The following EXD3 variants were observed in gnomAD, a reference collection of about 807,000 sequenced individuals.
EXD3 encodes exonuclease 3'-5' domain containing 3, also known as exonuclease mut-7 homolog.
Under a neutral mutation model 98.0 loss-of-function variants are expected in EXD3, and 92 were observed. The observed-to-expected ratio is 0.94, with a 90% confidence interval of 0.79 to 1.12. EXD3 has a LOEUF of 1.12. Ranked by LOEUF, EXD3 falls within the 50% of genes most tolerant of loss-of-function variation. The pLI is 0.00. For synonymous variants in EXD3, 569 were observed against 526.0 expected (o/e 1.08, Z -1.12); for missense variants, 1,222 against 1,191.6 (o/e 1.03, Z -0.38).
At chr9:137,413,503 CTTTT>C (rs768508083) in intron 1 of EXD3, among the ~76,000 whole-genome samples, 6 of 128,768 alleles carry the variant, frequency 4.7e-5, no homozygotes, top group Admixed American at 2.4e-4. Context: ...CCTGGCCTAG[CTTTT>C]TTTTTTTTTT....
chr9:137,367,766 T>C (rs11533157), intron 6 of EXD3, 170 bp downstream of exon 6: 544,419 of 610,184 alleles, frequency 0.89, 243,168 homozygotes, highest in South Asian at 0.94. Flanking sequence ...GGTCAGCCCA[T>C]GAGGAGGATG....
chr9:137,421,323 C>T (rs1564228755), intron 1 of EXD3, among the ~76,000 whole-genome samples: 1 of 152,204 alleles, frequency 6.6e-6, no homozygotes, highest in Non-Finnish European at 1.5e-5. Context: ...CACTGTTGTA[C>T]TTTAGGCAAA....
chr9:137,323,962 C>T lies in EXD3; in HGVS notation c.2053-106G>A, dbSNP rs1286263547. The T allele has an allele frequency of 6.9e-5, 105 of 1,527,860 alleles. No homozygotes were observed. The East Asian group carries it at 2.4e-3, about 35-fold the overall frequency. The allele number at this position is 1,527,860 out of a possible 1,614,324, so 94.6% of individuals were successfully genotyped here. A position where few individuals can be genotyped will look rare whatever the true frequency, so the allele number is the denominator to read the frequency against. On this transcript the variant is annotated intron_variant, in intron 18 of 21. Transcript: ENST00000340951. ...GGGCAGGAGCCTTCTCTCGGCCCAC[C>T]AGGGGTACGGCAGAGGCGCTGGGGG...
rs536220593 is a variant in EXD3 at position 137,392,976 on chromosome 9, C to G, written c.55+2327G>C. On this transcript the variant is annotated intron_variant, in intron 2 of 21. Transcript: ENST00000340951. ...GTTCCAGGGGGTGCTGAGGCTGTTCCAGGGGGCACCGAGGCTGTTCTCGGT... is the reference window on the plus strand; with the variant it reads ...GTTCCAGGGGGTGCTGAGGCTGTTCGAGGGGGCACCGAGGCTGTTCTCGGT... 28 of 592,272 alleles carry G rather than the reference C, an allele frequency of 4.7e-5. No individual in the cohort carries two copies. In the East Asian group the frequency reaches 7.6e-4, roughly 16 times the overall value. The allele number at this position is 592,272 out of a possible 1,614,324, so 36.7% of individuals were successfully genotyped here.
At chr9:137,368,881 G>A (rs1453560742) in intron 5 of EXD3, among the ~76,000 whole-genome samples, 3 of 149,580 alleles carry the variant, frequency 2.0e-5, no homozygotes, top group Non-Finnish European at 4.5e-5. Flanking sequence ...GGGGAGGGGC[G>A]AAGGTCCGGG....
At chr9:137,353,384 C>G in intron 10 of EXD3, 1 of 985,322 alleles carries the variant, frequency 1.0e-6, no homozygotes, top group African/African-American at 1.7e-5. Context: ...CCTGCCCAGC[C>G]TGCCCCATCT....
chr9:137,340,336 G>A (rs1017748646), intron 17 of EXD3, among the ~76,000 whole-genome samples: 8 of 152,074 alleles, frequency 5.3e-5, no homozygotes, highest in Non-Finnish European at 1.2e-4. Flanking sequence ...AATTAGCTGG[G>A]TGTGGCGGTG....
At chr9:137,327,078 G>A (rs1832447068) in intron 17 of EXD3, among the ~76,000 whole-genome samples, 2 of 151,926 alleles carry the variant, frequency 1.3e-5, no homozygotes, top group Non-Finnish European at 2.9e-5. Context: ...GCAGAAAGTG[G>A]AACAGTGGCC....
rs530646650 is a variant in EXD3, at chr9:137,407,782, G to T, written c.-47-12378C>A. On this transcript the variant is annotated intron_variant, in intron 1 of 21. Coordinates refer to ENST00000340951, the MANE Select transcript of EXD3 (RefSeq NM_017820.5). The surrounding 1 kb of genome is among the most constrained non-coding windows in gnomAD (Gnocchi z 4.4). Reference sequence around the variant, plus strand: ...CGTCACTGGAGCCCACGGGTCCACAGGCATTCGAGGTCTTGGATGCGCCGG... The same window carrying T: ...CGTCACTGGAGCCCACGGGTCCACATGCATTCGAGGTCTTGGATGCGCCGG... Among the ~76,000 whole-genome samples the T allele has an allele frequency of 6.6e-6, 1 of 152,340 alleles. No individual in the cohort carries two copies. Among genetic ancestry groups the T allele is most frequent in the African/African-American group, 2.4e-5 (1 of 41,586 alleles).
intron 17 of EXD3, among the ~76,000 whole-genome samples, chr9:137,333,867 T>C (rs930803623): frequency 3.9e-5 from 6 of 151,968 alleles, no homozygotes; most frequent in African/African-American, 7.3e-5. Flanking sequence ...AGACAGAGTC[T>C]CACTCTGTCA....
In EXD3 at chr9:137,371,047, C is replaced by G. The variant is rs532414399; in HGVS notation, c.462+1858G>C. Among the ~76,000 whole-genome samples the G allele has an allele frequency of 1.8e-3, 272 of 152,304 alleles. No individual in the cohort carries two copies. Among genetic ancestry groups the G allele is most frequent in the African/African-American group, 6.2e-3 (258 of 41,576 alleles). Reference sequence around the variant, plus strand: ...GCATGCATCGCCTGCCGGGCGGCCCCGCTCGGGGACAATGGCTTTCTTCGC... The same window carrying G: ...GCATGCATCGCCTGCCGGGCGGCCCGGCTCGGGGACAATGGCTTTCTTCGC... On this transcript the variant is annotated intron_variant, in intron 5 of 21. Transcript: ENST00000340951. The surrounding 1 kb of genome is among the most constrained non-coding windows in gnomAD (Gnocchi z 8.0).
chr9:137,345,632 A>C (rs1238442631), intron 17 of EXD3: 2 of 150,678 alleles, frequency 1.3e-5, no homozygotes, highest in East Asian at 1.9e-4. Flanking sequence ...ACTGCACTCC[A>C]GCCTGGGCAA....
At chr9:137,310,304 C>T (rs1319402364) in intron 19 of EXD3, among the ~76,000 whole-genome samples, 3 of 152,180 alleles carry the variant, frequency 2.0e-5, no homozygotes, top group Admixed American at 1.3e-4. Context: ...AATGTAGTGG[C>T]GCAATCACAG....
At chr9:137,416,584 A>G (rs1838240581) in intron 1 of EXD3, among the ~76,000 whole-genome samples, 1 of 151,468 alleles carries the variant, frequency 6.6e-6, no homozygotes, top group South Asian at 2.1e-4. Flanking sequence ...CTGCTTCCCA[A>G]AGGTCCTCTC....
chr9:137,408,219 G>T (rs575367405), intron 1 of EXD3, among the ~76,000 whole-genome samples: 1 of 152,082 alleles, frequency 6.6e-6, no homozygotes. Flanking sequence ...GGCCCTGCAC[G>T]TGCCCCAAAG....
intron 3 of EXD3, among the ~76,000 whole-genome samples, chr9:137,381,544 C>T (rs1836271860): frequency 1.3e-5 from 2 of 152,258 alleles, no homozygotes; most frequent in South Asian, 2.1e-4. Flanking sequence ...GCCCTCACCC[C>T]GCCCCAGCCC....
At chr9:137,362,852 C>G (rs1407035816) in intron 7 of EXD3, among the ~76,000 whole-genome samples, 3 of 152,048 alleles carry the variant, frequency 2.0e-5, no homozygotes, top group Non-Finnish European at 4.4e-5. Flanking sequence ...CTCTTGTAGC[C>G]CAGGCTGCAG....
chr9:137,324,013 A>AGGTG lies in EXD3; in HGVS notation c.2052+73_2052+76dup. 6.5e-7 allele frequency: 1 copy of AGGTG among 1,537,656 alleles called. No homozygotes were observed. The highest frequency in any genetic ancestry group is 1.7e-4 in the Middle Eastern group (1 of 5,944). On this transcript the variant is annotated intron_variant, in intron 18 of 21. Coordinates refer to ENST00000340951, the MANE Select transcript of EXD3 (RefSeq NM_017820.5). The surrounding 1 kb of genome is among the most constrained non-coding windows in gnomAD (Gnocchi z 4.1). ...TCGGCCCCACGGCAAGCTGACCCTGAGGTGGGGGTGGCCGAGGGGCTGGGG... is the reference window on the plus strand; with the variant it reads ...TCGGCCCCACGGCAAGCTGACCCTGAGGTGGGTGGGGGTGGCCGAGGGGCTGGGG...
chr9:137,349,358 G>A lies in EXD3; in HGVS notation c.1657+11C>T, dbSNP rs765451034. 25 of 1,574,032 alleles carry A rather than the reference G, an allele frequency of 1.6e-5. No homozygotes were observed. The Middle Eastern group carries it at 5.1e-4, about 32-fold the overall frequency. On this transcript the variant is annotated intron_variant, in intron 15 of 21. Coordinates refer to ENST00000340951, the MANE Select transcript of EXD3 (RefSeq NM_017820.5). This position sits in a 1 kb window ranked among gnomAD's most constrained non-coding sequence, Gnocchi z 7.4. The stretch of plus-strand genomic sequence containing the variant: ...TGAGGAGGGGTCACTCCCACCCGCC[G>A]CACCGCACACCTGCGTAGATGACCT...
Sources: gnomAD v4.1 joint callset for allele counts (sites outside exome capture counted in the v4.1 genomes callset) on GRCh38, gnomAD v4.1.1 for gene constraint, Gnocchi (gnomAD v3.1) non-coding constraint, MANE v1.5 for transcripts, NCBI Gene and HGNC (gene_info 2026-07-23, HGNC 2026-07-21) for gene names.